MYO16: variants seen among roughly 807,000 people sequenced by gnomAD.
MYO16 encodes myosin XVI, also known as unconventional myosin-XVI.
A neutral mutation model predicts 205.3 loss-of-function variants in MYO16; 94 were observed. The observed-to-expected ratio is 0.46, with a 90% CI of 0.39 to 0.54. The LOEUF is 0.54. Ranked by LOEUF, MYO16 falls within the 20% of genes least tolerant of loss-of-function variation. MYO16 has a pLI of 0.00. For missense variants in MYO16, 2,315 were observed against 2,387.5 expected, an observed-to-expected ratio of 0.97 and a Z score of 0.63; for synonymous variants, 988 against 954.0, an observed-to-expected ratio of 1.04 and a Z score of -0.66.
chr13:108,547,451 C>T, the MYO16 span, among the ~76,000 whole-genome samples: 1 of 152,190 alleles, frequency 6.6e-6, no homozygotes, highest in East Asian at 1.9e-4. Flanking sequence ...ACATGCCCAT[C>T]ATGGCTGATT....
intron 17 of MYO16, among the ~76,000 whole-genome samples, chr13:108,961,130 A>G (rs865902600): frequency 6.6e-6 from 1 of 152,168 alleles, no homozygotes; most frequent in Non-Finnish European, 1.5e-5. Flanking sequence ...GGCCACAGCA[A>G]CTGCAAAGTC....
chr13:109,084,258 G>A (rs956361537), intron 27 of MYO16, among the ~76,000 whole-genome samples: 8 of 152,170 alleles, frequency 5.3e-5, no homozygotes, highest in African/African-American at 1.9e-4. Context: ...AGCAATGATA[G>A]CATTGCCAAT....
chr13:109,133,130 G>C (rs1876616628), intron 31 of MYO16, among the ~76,000 whole-genome samples: 1 of 152,210 alleles, frequency 6.6e-6, no homozygotes, highest in South Asian at 2.1e-4. Flanking sequence ...CAGCTCAGTA[G>C]AAGTCCTTTC....
chr13:108,780,624 G>A (rs767829642), intron 4 of MYO16, among the ~76,000 whole-genome samples: 15 of 152,276 alleles, frequency 9.9e-5, no homozygotes, highest in Non-Finnish European at 1.6e-4. Context: ...AAAAAGAATT[G>A]CCGTACAAAT....
At chr13:108,710,848 A>G (rs1290362354) in intron 2 of MYO16, among the ~76,000 whole-genome samples, 1 of 152,256 alleles carries the variant, frequency 6.6e-6, no homozygotes, top group Non-Finnish European at 1.5e-5. Flanking sequence ...GATCACACTT[A>G]TGCTATTTCT....
At chr13:108,571,526 A>T in the MYO16 span, among the ~76,000 whole-genome samples, 1 of 152,142 alleles carries the variant, frequency 6.6e-6, no homozygotes, top group East Asian at 1.9e-4. Flanking sequence ...TGTATTTTTT[A>T]AAATGTCAAA....
intron 4 of MYO16, among the ~76,000 whole-genome samples, chr13:108,781,221 T>C (rs1356005307): frequency 6.6e-6 from 1 of 152,242 alleles, no homozygotes; most frequent in Non-Finnish European, 1.5e-5. Context: ...TTACAATTAA[T>C]TATTGAAAAC....
At chr13:108,509,353 A>C in the MYO16 span, among the ~76,000 whole-genome samples, 1 of 152,208 alleles carries the variant, frequency 6.6e-6, no homozygotes, top group African/African-American at 2.4e-5. Context: ...AAACATTACA[A>C]AGTACAAATA....
At chr13:108,795,869 C>T (rs1416882049) in intron 6 of MYO16, among the ~76,000 whole-genome samples, 1 of 152,060 alleles carries the variant, frequency 6.6e-6, no homozygotes, top group African/African-American at 2.4e-5. Context: ...CATATTGTTG[C>T]CATTTTGGAT....
At position 108,817,200 on chromosome 13, in the gene MYO16, G is replaced by C. The variant is rs142396119; in HGVS notation, c.868-3137G>C. On this transcript the variant is annotated intron_variant, in intron 7 of 34. Coordinates refer to ENST00000457511, the MANE Select transcript of MYO16 (RefSeq NM_001198950.3). ...GAATTCTATTTTAGAATGTTCAAAA[G>C]AGAAAAATGAAAAACTACATTGACT... Among the ~76,000 whole-genome samples, 88 of 152,208 alleles carry C rather than the reference G, an allele frequency of 5.8e-4. 1 individual carries two copies. The highest frequency in any genetic ancestry group is 2.0e-3 in the African/African-American group (83 of 41,544).
chr13:108,701,772 G>A (rs1013883860), intron 2 of MYO16, among the ~76,000 whole-genome samples: 10 of 151,884 alleles, frequency 6.6e-5, no homozygotes, highest in African/African-American at 2.4e-4. Flanking sequence ...TTGAATAAAC[G>A]ATCATAAAAA....
intron 27 of MYO16, among the ~76,000 whole-genome samples, chr13:109,091,656 G>A (rs1310205863): frequency 2.0e-5 from 3 of 152,086 alleles, no homozygotes; most frequent in African/African-American, 4.8e-5. Context: ...AAAATTGGAC[G>A]GCTCCCATCC....
At chr13:108,808,439 G>A (rs1404999740) in intron 7 of MYO16, among the ~76,000 whole-genome samples, 1 of 151,646 alleles carries the variant, frequency 6.6e-6, no homozygotes, top group Admixed American at 6.6e-5. Context: ...AGCCTCCCAA[G>A]TAGCTGGGAC....
At position 109,162,328 on chromosome 13, in the gene MYO16, A is replaced by C. The variant is rs541899762; in HGVS notation, c.5165-2573A>C. On this transcript the variant is annotated intron_variant, in intron 32 of 34. Transcript: ENST00000457511. This position sits in a 1 kb window ranked among gnomAD's most constrained non-coding sequence, Gnocchi z 4.6. Reference sequence around the variant, plus strand: ...AGGTGTAAGAGGACTGTGCTCATTCAAAGCCTTGGGGAAGCCCTCACTGCG... The same window carrying C: ...AGGTGTAAGAGGACTGTGCTCATTCCAAGCCTTGGGGAAGCCCTCACTGCG... Among the ~76,000 whole-genome samples, 2 of 152,280 alleles carry C rather than the reference A, an allele frequency of 1.3e-5. No individual in the cohort carries two copies. The highest frequency in any genetic ancestry group is 3.9e-4 in the East Asian group (2 of 5,178).
At chr13:108,792,362 T>C (rs1001811895) in intron 5 of MYO16, among the ~76,000 whole-genome samples, 6 of 152,136 alleles carry the variant, frequency 3.9e-5, no homozygotes, top group African/African-American at 1.4e-4. Flanking sequence ...CAGCGCAGAG[T>C]TCCCAAATGC....
chr13:108,832,704 G>A (rs902425455), intron 9 of MYO16, among the ~76,000 whole-genome samples: 5 of 152,090 alleles, frequency 3.3e-5, no homozygotes, highest in Admixed American at 3.3e-4. Flanking sequence ...TTAATGCATA[G>A]TATTTAAGCA....
chr13:108,837,139 T>A (rs1436773418), intron 9 of MYO16, among the ~76,000 whole-genome samples: 1 of 152,116 alleles, frequency 6.6e-6, no homozygotes, highest in Non-Finnish European at 1.5e-5. Flanking sequence ...ATGATCAGGG[T>A]GGTTTCCCCC....
At position 108,607,251 on chromosome 13, in the gene MYO16, G is replaced by A. The variant is rs140016566; in HGVS notation, c.-39+11012G>A. Among the ~76,000 whole-genome samples, 364 of 152,266 alleles carry A rather than the reference G, an allele frequency of 2.4e-3. 2 individuals are homozygous for A. The highest frequency in any genetic ancestry group is 8.3e-3 in the African/African-American group (346 of 41,548). ...GGAAAGCATAACTGTGTTTTGAAAC[G>A]TGAGAAATATGAGATTTGGGAGGAG... On this transcript the variant is annotated intron_variant, in intron 1 of 24. Transcript: ENST00000251041.
intron 27 of MYO16, among the ~76,000 whole-genome samples, chr13:109,098,849 G>A (rs1054237381): frequency 1.3e-5 from 2 of 152,144 alleles, no homozygotes; most frequent in East Asian, 3.8e-4. Context: ...TCCAGAAACG[G>A]TTCATTGTTG....
Sources: allele counts gnomAD v4.1 joint callset (sites outside exome capture counted in the v4.1 genomes callset), GRCh38; gene constraint gnomAD v4.1.1; non-coding constraint Gnocchi (gnomAD v3.1); transcripts MANE v1.5; gene names NCBI Gene and HGNC (gene_info 2026-07-23, HGNC 2026-07-21).